Variants in PCDH7 observed in about 807,000 individuals in gnomAD.
PCDH7 encodes protocadherin 7.
A neutral mutation model predicts 58.9 loss-of-function variants in PCDH7; 17 were observed. The ratio of observed to expected loss-of-function variants is 0.29; its 90% CI spans 0.20 to 0.43. The LOEUF is 0.43. Among genes scored for constraint, PCDH7 ranks in the 20% least tolerant of loss-of-function variants. The probability of loss-of-function intolerance (pLI) is 1.00; values close to 1 mark genes in which losing one functional copy is unlikely to be tolerated. For missense variants in PCDH7, 1,274 were observed against 1,441.0 expected (o/e 0.88, Z 1.88); for synonymous variants, 664 against 616.4 (o/e 1.08, Z -1.14).
At chr4:30,900,951 A>T (rs1166622242) in intron 1 of PCDH7, among the ~76,000 whole-genome samples, 1 of 152,172 alleles carries the variant, frequency 6.6e-6, no homozygotes, top group Non-Finnish European at 1.5e-5. Flanking sequence ...CAAGTGTTAG[A>T]TAACTCTATG....
At chr4:31,057,628 A>G (rs927598542) in intron 3 of PCDH7, among the ~76,000 whole-genome samples, 12 of 152,172 alleles carry the variant, frequency 7.9e-5, no homozygotes, top group Non-Finnish European at 1.8e-4. Context: ...AAGCTTAGGT[A>G]TATCCCTTTA....
intron 1 of PCDH7, among the ~76,000 whole-genome samples, chr4:30,862,932 C>A (rs1734386192): frequency 6.6e-6 from 1 of 151,784 alleles, no homozygotes; most frequent in African/African-American, 2.4e-5. Flanking sequence ...GAATGTATTG[C>A]CAAAAGTGAT....
intron 3 of PCDH7, among the ~76,000 whole-genome samples, chr4:30,988,009 A>G (rs984079177): frequency 6.6e-6 from 1 of 152,168 alleles, no homozygotes; most frequent in Admixed American, 6.6e-5. Flanking sequence ...AGGCAAGAAT[A>G]TAAGTTATTT....
intron 1 of PCDH7, among the ~76,000 whole-genome samples, chr4:30,850,156 A>G (rs552570748): frequency 2.0e-5 from 3 of 152,072 alleles, no homozygotes; most frequent in Non-Finnish European, 4.4e-5. Flanking sequence ...ACTGAATTAC[A>G]CTTTTTGTGA....
In PCDH7 at chr4:30,938,230, A is replaced by G. The variant is rs1745588106; in HGVS notation, c.288-11890A>G. ...TTCTTTCTAAACGAAGTTTACTGCCATTGATTCCCAAGAGCTAAAGGATTC... is the reference window on the plus strand; with the variant it reads ...TTCTTTCTAAACGAAGTTTACTGCCGTTGATTCCCAAGAGCTAAAGGATTC... On this transcript the variant is annotated intron_variant, in intron 2 of 3. Coordinates refer to the PCDH7 transcript ENST00000509759. 2.0e-5 allele frequency among the ~76,000 whole-genome samples: 3 copies of G among 152,150 alleles called. No individual in the cohort carries two copies. The South Asian group carries it at 6.2e-4, about 31-fold the overall frequency.
intron 3 of PCDH7, among the ~76,000 whole-genome samples, chr4:30,974,220 CTT>C (rs1384447283): frequency 8.1e-6 from 1 of 123,180 alleles, no homozygotes; most frequent in African/African-American, 3.6e-5. Context: ...CTTTCTTTCT[CTT>C]TCTTTCTTTC....
chr4:30,865,395 T>C (rs1734753372), intron 1 of PCDH7, among the ~76,000 whole-genome samples: 2 of 152,028 alleles, frequency 1.3e-5, no homozygotes, highest in South Asian at 2.1e-4. Context: ...GATCCAAAAA[T>C]GAAGTGGAAA....
chr4:30,721,388 G>T lies in PCDH7; in HGVS notation c.-35G>T. ...GGAGGGGGGCGCCGAGGGGGCTGTGGTTAGAAGGAGCAGTAGCAGCAGCAG... is the reference window on the plus strand; with the variant it reads ...GGAGGGGGGCGCCGAGGGGGCTGTGTTTAGAAGGAGCAGTAGCAGCAGCAG... On this transcript the variant is annotated 5_prime_UTR_variant, in exon 1 of 2. Coordinates refer to ENST00000361762, the Ensembl canonical transcript of PCDH7. This position sits in a 1 kb window ranked among gnomAD's most constrained non-coding sequence, Gnocchi z 6.7. 1 of 1,454,298 alleles carries T rather than the reference G, an allele frequency of 6.9e-7. No individual in the cohort carries two copies. The highest frequency in any genetic ancestry group is 9.0e-7 in the Non-Finnish European group (1 of 1,105,242). 90.1% of individuals were successfully genotyped at this position (1,454,298 alleles called of 1,614,324 possible).
chr4:30,807,849 T>C (rs940610640), intron 1 of PCDH7, among the ~76,000 whole-genome samples: 1 of 152,214 alleles, frequency 6.6e-6, no homozygotes, highest in African/African-American at 2.4e-5. Flanking sequence ...AATTATTTCA[T>C]AAATTCTAAA....
At chr4:30,928,577 C>T (rs548735273) in intron 2 of PCDH7, among the ~76,000 whole-genome samples, 128 of 152,184 alleles carry the variant, frequency 8.4e-4, no homozygotes, top group Non-Finnish European at 1.6e-3. Flanking sequence ...ATCACAGTAA[C>T]TTAATTATAA....
exon 1 of PCDH7, chr4:30,724,429 C>T (rs1173932332): frequency 1.2e-6 from 2 of 1,614,034 alleles, no homozygotes; most frequent in Middle Eastern, 1.7e-4. Flanking sequence ...TTCCCCATTG[C>T]CTACTGTTCA....
intron 1 of PCDH7, among the ~76,000 whole-genome samples, chr4:30,866,198 A>T (rs778068465): frequency 6.6e-6 from 1 of 152,050 alleles, no homozygotes; most frequent in South Asian, 2.1e-4. Context: ...AGCTGGTTCT[A>T]TATCAAGAAG....
chr4:31,134,226 C>T (rs186451346), intron 3 of PCDH7, among the ~76,000 whole-genome samples: 33 of 152,160 alleles, frequency 2.2e-4, no homozygotes, highest in African/African-American at 7.0e-4. Flanking sequence ...CTTTGGAAGG[C>T]CGAGGTTGGG....
rs961908054 is a variant in PCDH7, at chr4:31,124,494, C to T, written c.*8-17979C>T. Among the ~76,000 whole-genome samples, 96 of 152,228 alleles carry T rather than the reference C, an allele frequency of 6.3e-4. 2 individuals are homozygous for T. Among genetic ancestry groups the T allele is most frequent in the Middle Eastern group, 3.4e-3 (1 of 294 alleles). Reference sequence around the variant, plus strand: ...GATTACACCATGCATGGTTCCTTGGCCTTTGTGCTCCAAGATACAATTATT... The same window carrying T: ...GATTACACCATGCATGGTTCCTTGGTCTTTGTGCTCCAAGATACAATTATT... On this transcript the variant is annotated intron_variant, in intron 3 of 3. Transcript: ENST00000509759.
chr4:31,015,240 A>T (rs1312769521), intron 3 of PCDH7, among the ~76,000 whole-genome samples: 1 of 152,186 alleles, frequency 6.6e-6, no homozygotes, highest in Non-Finnish European at 1.5e-5. Flanking sequence ...CAGAATGCAT[A>T]AACTCAGCAA....
At chr4:31,020,824 T>A (rs1318025386) in intron 3 of PCDH7, among the ~76,000 whole-genome samples, 1 of 152,220 alleles carries the variant, frequency 6.6e-6, no homozygotes, top group Non-Finnish European at 1.5e-5. Context: ...CAGGGCTGTA[T>A]ATATTCCCAC....
At chr4:30,818,213 CT>C (rs1727939736) in intron 1 of PCDH7, among the ~76,000 whole-genome samples, 1 of 152,170 alleles carries the variant, frequency 6.6e-6, no homozygotes, top group South Asian at 2.1e-4. Flanking sequence ...CCCGATTCTT[CT>C]TCCCTTCCCC....
intron 3 of PCDH7, among the ~76,000 whole-genome samples, chr4:31,056,635 G>A (rs1560609145): frequency 6.8e-6 from 1 of 147,758 alleles, no homozygotes; most frequent in Non-Finnish European, 1.5e-5. Context: ...GAGAGAGAGA[G>A]GAGAGAGAGA....
chr4:30,803,412 A>C (rs991400943), intron 1 of PCDH7, among the ~76,000 whole-genome samples: 2 of 152,066 alleles, frequency 1.3e-5, no homozygotes, highest in Non-Finnish European at 2.9e-5. Context: ...AGCAACAATA[A>C]AACACCAGCT....
Sources: allele counts gnomAD v4.1 joint callset (sites outside exome capture counted in the v4.1 genomes callset), GRCh38; gene constraint gnomAD v4.1.1; non-coding constraint Gnocchi (gnomAD v3.1); transcripts MANE v1.5; gene names NCBI Gene and HGNC (gene_info 2026-07-23, HGNC 2026-07-21).